Variants in ARHGAP32 observed in about 807,000 individuals in gnomAD.
ARHGAP32 encodes rho GTPase-activating protein 32.
A neutral mutation model predicts 186.5 loss-of-function variants in ARHGAP32; 51 were observed. The ratio of observed to expected loss-of-function variants is 0.27; its 90% CI spans 0.22 to 0.35. The LOEUF (loss-of-function observed/expected upper bound fraction) is 0.35. Among genes scored for constraint, ARHGAP32 ranks in the 10% least tolerant of loss-of-function variants. The probability of loss-of-function intolerance (pLI) is 1.00; values close to 1 mark genes in which losing one functional copy is unlikely to be tolerated. For synonymous variants in ARHGAP32, 950 were observed against 964.3 expected, an observed-to-expected ratio of 0.99 and a Z score of 0.27; for missense variants, 2,186 against 2,623.5, an observed-to-expected ratio of 0.83 and a Z score of 3.64.
At chr11:129,015,007 AT>A (rs1346065723) in intron 11 of ARHGAP32, among the ~76,000 whole-genome samples, 1 of 152,234 alleles carries the variant, frequency 6.6e-6, no homozygotes, top group Non-Finnish European at 1.5e-5. Flanking sequence ...ATTCACGCTA[AT>A]GAATATGAAG....
chr11:128,968,954 C>A lies in ARHGAP32; in HGVS notation c.6259G>T (p.Ala2087Ser), dbSNP rs777247242. Residue 2087 changes from alanine to serine, a missense_variant, in exon 23 of 23, where the codon GCA (alanine) becomes TCA (serine). By Grantham distance (99) the Ala-to-Ser change is moderately conservative (BLOSUM62 1). Coordinates refer to ENST00000682385, the MANE Select transcript of ARHGAP32 (RefSeq NM_001378024.1). The stretch of plus-strand genomic sequence containing the variant: ...TCAGGATGCTGCAAGGACAACTCTG[C>A]GGGCAGGAAGGCCCCTTGACCCAAC... ...TALGQGAFLP[A>S]ELSLQHPETQ... 6.4e-6 allele frequency: 10 copies of A among 1,561,598 alleles called. No homozygotes were observed. In the African/African-American group the frequency reaches 9.5e-5, roughly 15 times the overall value.
intron 11 of ARHGAP32, among the ~76,000 whole-genome samples, chr11:129,022,484 A>G (rs1938639088): frequency 1.3e-5 from 2 of 152,130 alleles, no homozygotes; most frequent in African/African-American, 4.8e-5. Context: ...CCAAAGGGTT[A>G]TAATTCAGTC....
At chr11:128,982,387 C>T (rs1945727615) in intron 15 of ARHGAP32, among the ~76,000 whole-genome samples, 1 of 151,764 alleles carries the variant, frequency 6.6e-6, no homozygotes, top group Non-Finnish European at 1.5e-5. Flanking sequence ...TAAACAATTC[C>T]ACATATATTG....
upstream of ARHGAP32, among the ~76,000 whole-genome samples, chr11:129,194,950 G>C (rs1331301749): frequency 9.9e-5 from 10 of 100,926 alleles, no homozygotes; most frequent in African/African-American, 3.4e-4. Flanking sequence ...TTTTTTTGTG[G>C]GGGGGGGGGT....
Position 129,123,655 on chromosome 11 carries a change from G to A in ARHGAP32, c.360-125C>T. 2.4e-6 allele frequency: 2 copies of A among 839,362 alleles called. No individual in the cohort carries two copies. Among genetic ancestry groups the A allele is most frequent in the Non-Finnish European group, 1.9e-6 (1 of 519,638 alleles). The allele number at this position is 839,362 out of a possible 1,614,324, so 52.0% of individuals were successfully genotyped here. A position where few individuals can be genotyped will look rare whatever the true frequency, so the allele number is the denominator to read the frequency against. On this transcript the variant is annotated intron_variant, in intron 4 of 22. Transcript: ENST00000682385. The surrounding 1 kb of genome is among the most constrained non-coding windows in gnomAD (Gnocchi z 4.6). Reference sequence around the variant, plus strand: ...AAATATTTCGTAAGCACATGCGCATGAGCCACACATATCCGCACAAATCCT... The same window carrying A: ...AAATATTTCGTAAGCACATGCGCATAAGCCACACATATCCGCACAAATCCT...
intron 1 of ARHGAP32, among the ~76,000 whole-genome samples, chr11:129,220,941 A>T (rs1944703177): frequency 6.6e-6 from 1 of 152,176 alleles, no homozygotes; most frequent in Non-Finnish European, 1.5e-5. Context: ...CCAAAACCTG[A>T]ATCTCACCAA....
In ARHGAP32 at chr11:129,124,787, G is replaced by A. The variant is rs773141601; in HGVS notation, c.317+16C>T. On this transcript the variant is annotated intron_variant, in intron 3 of 22. Coordinates refer to ENST00000682385, the MANE Select transcript of ARHGAP32 (RefSeq NM_001378024.1). ...CGTAGGAATTCATTTAGAATCCACT[G>A]TAAAGTTATACTCACTTTTTCACAT... 6.4e-7 allele frequency: 1 copy of A among 1,555,472 alleles called. No homozygotes were observed. The highest frequency in any genetic ancestry group is 8.8e-7 in the Non-Finnish European group (1 of 1,141,966).
chr11:129,090,783 G>A (rs533648993), intron 6 of ARHGAP32, among the ~76,000 whole-genome samples: 4 of 152,154 alleles, frequency 2.6e-5, no homozygotes, highest in Admixed American at 6.5e-5. Flanking sequence ...CTCACAAAAC[G>A]TTTTATTCTG....
intron 1 of ARHGAP32, among the ~76,000 whole-genome samples, chr11:129,263,081 T>C (rs1945346044): frequency 6.6e-6 from 1 of 152,116 alleles, no homozygotes; most frequent in East Asian, 1.9e-4. Flanking sequence ...TTATACCATA[T>C]ACAAAAATTA....
intron 1 of ARHGAP32, among the ~76,000 whole-genome samples, chr11:129,165,210 T>A (rs1383542936): frequency 3.3e-5 from 5 of 151,914 alleles, no homozygotes; most frequent in African/African-American, 1.2e-4. Context: ...TCACCTCAAA[T>A]TATTAACTGA....
At chr11:129,262,312 T>C (rs1053298382) in intron 1 of ARHGAP32, among the ~76,000 whole-genome samples, 1 of 152,088 alleles carries the variant, frequency 6.6e-6, no homozygotes, top group East Asian at 1.9e-4. Flanking sequence ...AGGTAGTAAA[T>C]ATCTACTGAA....
intron 15 of ARHGAP32, among the ~76,000 whole-genome samples, chr11:128,985,309 C>T (rs1261298806): frequency 5.3e-5 from 8 of 152,022 alleles, no homozygotes; most frequent in South Asian, 4.2e-4. Context: ...TAAGCCATGG[C>T]GCCTGGCCTA....
intron 11 of ARHGAP32, among the ~76,000 whole-genome samples, chr11:129,008,333 T>C (rs1376943951): frequency 6.6e-6 from 1 of 152,130 alleles, no homozygotes. Context: ...CAGTAGTGAG[T>C]GAATCCAAAC....
At chr11:129,275,812 T>C (rs1007903906) in intron 1 of ARHGAP32, among the ~76,000 whole-genome samples, 4 of 152,276 alleles carry the variant, frequency 2.6e-5, no homozygotes, top group African/African-American at 4.8e-5. Flanking sequence ...TTTTCAACCA[T>C]TTAAAAATAT....
At chr11:129,002,228 A>G (rs1946378865) in intron 11 of ARHGAP32, among the ~76,000 whole-genome samples, 1 of 152,146 alleles carries the variant, frequency 6.6e-6, no homozygotes, top group African/African-American at 2.4e-5. Context: ...GAATCCATGA[A>G]CGTGGAATAC....
intron 6 of ARHGAP32, among the ~76,000 whole-genome samples, chr11:129,072,458 C>T (rs582708): frequency 0.63 from 95,478 of 151,932 alleles, 30,447 homozygotes; most frequent in Middle Eastern, 0.7. Flanking sequence ...TCAGAAGTCA[C>T]TGGTTAACAA....
chr11:129,189,514 C>T (rs1591685335), intron 1 of ARHGAP32, among the ~76,000 whole-genome samples: 1 of 152,106 alleles, frequency 6.6e-6, no homozygotes, highest in African/African-American at 2.4e-5. Context: ...TATATTCCTC[C>T]TTCTTATCCA....
At chr11:129,031,272 CA>C (rs1322219368) in intron 11 of ARHGAP32, among the ~76,000 whole-genome samples, 2 of 152,082 alleles carry the variant, frequency 1.3e-5, no homozygotes, top group Non-Finnish European at 2.9e-5. Flanking sequence ...CAATAAATAA[CA>C]GTTGACATTC....
In ARHGAP32 at chr11:129,239,415, G is replaced by T. The variant is rs141478674; in HGVS notation, c.-5+39731C>A. Among the ~76,000 whole-genome samples, 281 of 152,242 alleles carry T rather than the reference G, an allele frequency of 1.8e-3. 2 individuals are homozygous for T. The highest frequency in any genetic ancestry group is 6.5e-3 in the African/African-American group (269 of 41,542). ...TTGCAGATGAGTAATTTTAGGATTG[G>T]TCAGATGACCAAAATTACCCAGAAT... is the stretch of plus-strand genomic sequence containing the variant. On this transcript the variant is annotated intron_variant, in intron 1 of 6. Transcript: ENST00000525234.
Sources: allele counts gnomAD v4.1 joint callset (sites outside exome capture counted in the v4.1 genomes callset), GRCh38; gene constraint gnomAD v4.1.1; non-coding constraint Gnocchi (gnomAD v3.1); transcripts MANE v1.5; gene names NCBI Gene and HGNC (gene_info 2026-07-23, HGNC 2026-07-21).